Variants in NELL1 observed in about 807,000 individuals in gnomAD.
The protein encoded by NELL1 is protein kinase C-binding protein NELL1.
A neutral mutation model predicts 107.4 loss-of-function variants in NELL1; 76 were observed. That is an observed-to-expected ratio of 0.71 (90% CI 0.59 to 0.86). The LOEUF is 0.86. NELL1 is among the 40% of genes least tolerant of loss of function. The pLI is 0.00. For missense variants in NELL1, 1,024 were observed against 1,005.5 expected (o/e 1.02, Z -0.25); for synonymous variants, 353 against 341.2 (o/e 1.03, Z -0.38).
At chr11:21,188,278 C>G (rs558490427) in intron 13 of NELL1, among the ~76,000 whole-genome samples, 1 of 151,822 alleles carries the variant, frequency 6.6e-6, no homozygotes, top group Admixed American at 6.6e-5. Flanking sequence ...GGGGCTGGGA[C>G]AGTTCTCATG....
chr11:21,479,035 A>G (rs952699010), intron 15 of NELL1, among the ~76,000 whole-genome samples: 6 of 152,176 alleles, frequency 3.9e-5, no homozygotes, highest in Admixed American at 1.3e-4. Flanking sequence ...AAGACAGGGT[A>G]TAACAACTCC....
intron 13 of NELL1, among the ~76,000 whole-genome samples, chr11:21,217,588 A>G (rs1857646967): frequency 1.3e-5 from 2 of 152,160 alleles, no homozygotes; most frequent in Admixed American, 1.3e-4. Context: ...TGAGTTTCAG[A>G]AGTACAACCT....
chr11:21,139,585 T>G (rs2133769786), intron 13 of NELL1, among the ~76,000 whole-genome samples: 1 of 152,364 alleles, frequency 6.6e-6, no homozygotes, highest in Non-Finnish European at 1.5e-5. Context: ...GTAAGCTCTG[T>G]GAGGGCATGA....
At chr11:20,925,729 A>G (rs1564970132) in intron 7 of NELL1, among the ~76,000 whole-genome samples, 1 of 152,114 alleles carries the variant, frequency 6.6e-6, no homozygotes, top group African/African-American at 2.4e-5. Context: ...CTAAGATCCT[A>G]TTTTTTGTTT....
At chr11:21,573,100 T>C in intron 18 of NELL1, 85 bp from the exon 19 acceptor site, 1 of 981,894 alleles carries the variant, frequency 1.0e-6, no homozygotes, top group Non-Finnish European at 1.6e-6. Context: ...TGAGAATTAC[T>C]GTGCTCTCTT....
chr11:21,255,133 G>T (rs1858737306), intron 14 of NELL1, among the ~76,000 whole-genome samples: 1 of 152,044 alleles, frequency 6.6e-6, no homozygotes. Context: ...TTAACCCTGG[G>T]TGGAGTGGTC....
At chr11:21,017,774 A>G (rs1590545201) in intron 12 of NELL1, among the ~76,000 whole-genome samples, 1 of 152,082 alleles carries the variant, frequency 6.6e-6, no homozygotes, top group African/African-American at 2.4e-5. Context: ...TACTATTTCT[A>G]AATGCAAACT....
chr11:20,965,775 G>T (rs1851375992), intron 12 of NELL1, among the ~76,000 whole-genome samples: 1 of 152,142 alleles, frequency 6.6e-6, no homozygotes, highest in African/African-American at 2.4e-5. Context: ...ATGGTAAGAG[G>T]CTGGGAAAGT....
At chr11:20,864,584 G>A (rs550191265) in intron 4 of NELL1, among the ~76,000 whole-genome samples, 2 of 152,190 alleles carry the variant, frequency 1.3e-5, no homozygotes, top group Admixed American at 6.5e-5. Context: ...ATAGGCCATC[G>A]TCCCAATTGG....
intron 13 of NELL1, among the ~76,000 whole-genome samples, chr11:21,193,647 G>T (rs1857092494): frequency 1.3e-5 from 2 of 152,004 alleles, no homozygotes; most frequent in South Asian, 4.1e-4. Flanking sequence ...ACTAGGAGAT[G>T]CTGGGAAGTT....
At chr11:20,922,750 C>T (rs1850407755) in intron 7 of NELL1, among the ~76,000 whole-genome samples, 1 of 152,032 alleles carries the variant, frequency 6.6e-6, no homozygotes, top group Non-Finnish European at 1.5e-5. Context: ...TGATATGATT[C>T]TGAGTCACTA....
At chr11:21,162,709 A>G (rs1357713986) in intron 13 of NELL1, among the ~76,000 whole-genome samples, 1 of 152,156 alleles carries the variant, frequency 6.6e-6, no homozygotes, top group African/African-American at 2.4e-5. Flanking sequence ...ATTGGCGGTG[A>G]TGGGGCTGGG....
In NELL1 at chr11:20,885,330, A is replaced by G; in HGVS notation, c.507-114A>G. 7.2e-6 allele frequency: 5 copies of G among 695,326 alleles called. No homozygotes were observed. The Admixed American group carries it at 1.0e-4, about 14-fold the overall frequency. The allele number at this position is 695,326 out of a possible 1,614,324, so 43.1% of individuals were successfully genotyped here. A position where few individuals can be genotyped will look rare whatever the true frequency, so the allele number is the denominator to read the frequency against. The stretch of plus-strand genomic sequence containing the variant: ...TTATCTGTCATGTAAAGTGTGCCAC[A>G]TATTGGCTTCTCTTCATACAGCAGC... On this transcript the variant is annotated intron_variant, in intron 4 of 19. Coordinates refer to ENST00000357134, the MANE Select transcript of NELL1 (RefSeq NM_006157.5).
At chr11:20,862,288 C>A (rs1381197483) in intron 4 of NELL1, among the ~76,000 whole-genome samples, 1 of 83,572 alleles carries the variant, frequency 1.2e-5, no homozygotes, top group Admixed American at 1.3e-4. Context: ...ATTCAAGAGT[C>A]ATTTTTTTTT....
chr11:21,104,202 G>A (rs905422901), intron 12 of NELL1, among the ~76,000 whole-genome samples: 8 of 152,162 alleles, frequency 5.3e-5, no homozygotes, highest in Admixed American at 2.0e-4. Flanking sequence ...ACAGATTGAG[G>A]TAGGCTGAGG....
chr11:21,418,056 T>C (rs117821945), intron 15 of NELL1, among the ~76,000 whole-genome samples: 3,743 of 152,160 alleles, frequency 0.025, 110 homozygotes, highest in Admixed American at 0.087. Flanking sequence ...GGCGTTATTA[T>C]TTTTATATAT....
chr11:21,154,521 C>G (rs1215289595), intron 13 of NELL1, among the ~76,000 whole-genome samples: 1 of 152,148 alleles, frequency 6.6e-6, no homozygotes, highest in African/African-American at 2.4e-5. Context: ...AAACCACAGT[C>G]TTTTTCCCTT....
At chr11:20,872,708 G>GTGTGTA (rs1554935730) in intron 4 of NELL1, among the ~76,000 whole-genome samples, 1 of 151,182 alleles carries the variant, frequency 6.6e-6, no homozygotes, top group Admixed American at 6.6e-5. Context: ...GTGTGTGTGT[G>GTGTGTA]TGTGTAGTCT....
At chr11:20,748,549 A>T (rs562475873) in intron 2 of NELL1, among the ~76,000 whole-genome samples, 1 of 152,062 alleles carries the variant, frequency 6.6e-6, no homozygotes, top group African/African-American at 2.4e-5. Flanking sequence ...TTAATTCCTT[A>T]TTCCCCTTCC....
Sources: gnomAD v4.1 joint callset for allele counts (sites outside exome capture counted in the v4.1 genomes callset) on GRCh38, gnomAD v4.1.1 for gene constraint, MANE v1.5 for transcripts, NCBI Gene and HGNC (gene_info 2026-07-23, HGNC 2026-07-21) for gene names.